The following PAK2 variants were observed in gnomAD, a reference collection of about 807,000 sequenced individuals.
PAK2 encodes p21 (RAC1) activated kinase 2.
A neutral mutation model predicts 65.9 loss-of-function variants in PAK2; 21 were observed. The observed-to-expected ratio is 0.32, with a 90% CI of 0.23 to 0.46. PAK2 has a LOEUF of 0.46. Ranked by LOEUF, PAK2 falls within the 20% of genes least tolerant of loss-of-function variation. PAK2 has a pLI of 1.00. For missense variants in PAK2, 324 were observed against 642.6 expected, an observed-to-expected ratio of 0.50 and a Z score of 5.36; for synonymous variants, 204 against 219.7, an observed-to-expected ratio of 0.93 and a Z score of 0.63.
chr3:196,823,576 A>AT (rs1711725029), intron 13 of PAK2, among the ~76,000 whole-genome samples: 1 of 151,946 alleles, frequency 6.6e-6, no homozygotes, highest in African/African-American at 2.4e-5. Context: ...AACAAAAAAA[A>AT]CACCTTGGGC....
At chr3:196,769,544 G>C (rs145329552) in intron 1 of PAK2, among the ~76,000 whole-genome samples, 1 of 151,808 alleles carries the variant, frequency 6.6e-6, no homozygotes, top group Non-Finnish European at 1.5e-5. Flanking sequence ...AGGCGTGGTG[G>C]CTCACGCCTG....
At chr3:196,780,639 C>T (rs942428385) in intron 1 of PAK2, among the ~76,000 whole-genome samples, 2 of 152,100 alleles carry the variant, frequency 1.3e-5, no homozygotes, top group African/African-American at 4.8e-5. Flanking sequence ...AATGTTTTTG[C>T]TCCTTTACCT....
chr3:196,797,269 G>A (rs1020370637), intron 2 of PAK2, among the ~76,000 whole-genome samples: 5 of 151,876 alleles, frequency 3.3e-5, no homozygotes, highest in Non-Finnish European at 7.4e-5. Flanking sequence ...GTTCGAGACC[G>A]GCCTGGCCAA....
chr3:196,800,042 G>T (rs2108754623), intron 2 of PAK2, among the ~76,000 whole-genome samples: 1 of 152,328 alleles, frequency 6.6e-6, no homozygotes, highest in African/African-American at 2.4e-5. Context: ...GAAAAGATTT[G>T]CTGTTTTCAT....
chr3:196,761,806 G>T (rs1200271921), intron 1 of PAK2, among the ~76,000 whole-genome samples: 1 of 139,542 alleles, frequency 7.2e-6, no homozygotes, highest in Admixed American at 7.6e-5. Context: ...CCTCCCTCCC[G>T]GATGGGGCGG....
At chr3:196,813,393 G>A (rs1715888736) in intron 10 of PAK2, among the ~76,000 whole-genome samples, 1 of 150,876 alleles carries the variant, frequency 6.6e-6, no homozygotes, top group Non-Finnish European at 1.5e-5. Context: ...AGGAGGTGGA[G>A]GTTGCAGTGA....
chr3:196,773,603 C>A (rs71323747), intron 1 of PAK2, among the ~76,000 whole-genome samples: 1 of 151,922 alleles, frequency 6.6e-6, no homozygotes, highest in Non-Finnish European at 1.5e-5. Context: ...AGGCCGGGCA[C>A]AGTGGCTCAT....
At chr3:196,769,633 A>C (rs1414761576) in intron 1 of PAK2, among the ~76,000 whole-genome samples, 6 of 122,170 alleles carry the variant, frequency 4.9e-5, no homozygotes, top group East Asian at 4.5e-4. Context: ...AACACGGTGA[A>C]ACCCCGTCTC....
At chr3:196,745,918 G>A (rs1387404734) in intron 1 of PAK2, among the ~76,000 whole-genome samples, 2 of 150,458 alleles carry the variant, frequency 1.3e-5, no homozygotes, top group Non-Finnish European at 3.0e-5. Flanking sequence ...TGTTTTCCAG[G>A]TTCATTGTTT....
chr3:196,774,031 CAAA>C (rs951178196), intron 1 of PAK2, among the ~76,000 whole-genome samples: 1 of 151,000 alleles, frequency 6.6e-6, no homozygotes, highest in Non-Finnish European at 1.5e-5. Flanking sequence ...GACTCCGTCT[CAAA>C]AAAAAACAAC....
intron 1 of PAK2, among the ~76,000 whole-genome samples, chr3:196,749,219 A>ATTTG (rs1345797710): frequency 3.3e-5 from 5 of 152,088 alleles, no homozygotes; most frequent in African/African-American, 1.2e-4. Flanking sequence ...GGGTGTACAA[A>ATTTG]TACCTCTTTG....
intron 2 of PAK2, among the ~76,000 whole-genome samples, chr3:196,792,924 C>G (rs1715120347): frequency 6.6e-6 from 1 of 152,118 alleles, no homozygotes; most frequent in South Asian, 2.1e-4. Context: ...GCACCTGACT[C>G]AGCAGGACAG....
At chr3:196,768,363 TGTTCA>T (rs2108727592) in intron 1 of PAK2, among the ~76,000 whole-genome samples, 1 of 152,222 alleles carries the variant, frequency 6.6e-6, no homozygotes, top group Non-Finnish European at 1.5e-5. Flanking sequence ...ATTAGTTTTC[TGTTCA>T]GTAATTTCTG....
chr3:196,825,413 G>A (rs772266175), intron 13 of PAK2, among the ~76,000 whole-genome samples: 40 of 151,658 alleles, frequency 2.6e-4, no homozygotes, highest in Non-Finnish European at 3.5e-4. Context: ...GGAGGCCAAG[G>A]CGGGCAGATC....
At chr3:196,751,664 TATTTATATAC>T (rs1294548726) in intron 1 of PAK2, among the ~76,000 whole-genome samples, 1 of 36,286 alleles carries the variant, frequency 2.8e-5, no homozygotes, top group Admixed American at 3.0e-4. Context: ...CACACAAATT[TATTTATATAC>T]ATATATATAT....
chr3:196,742,389 G>A (rs1452424966), intron 1 of PAK2, among the ~76,000 whole-genome samples: 1 of 152,060 alleles, frequency 6.6e-6, no homozygotes, highest in Non-Finnish European at 1.5e-5. Context: ...ACCACCAACA[G>A]TTTCTATTTC....
chr3:196,789,868 G>C (rs904025130), intron 2 of PAK2, among the ~76,000 whole-genome samples: 1 of 152,218 alleles, frequency 6.6e-6, no homozygotes, highest in Non-Finnish European at 1.5e-5. Context: ...GGAGTGTGCA[G>C]CCTAGATCCC....
chr3:196,768,926 C>A (rs576127982), intron 1 of PAK2, among the ~76,000 whole-genome samples: 3 of 151,890 alleles, frequency 2.0e-5, no homozygotes, highest in African/African-American at 7.3e-5. Context: ...CCCAGCCCCC[C>A]AGAGTGCTGG....
intron 2 of PAK2, among the ~76,000 whole-genome samples, chr3:196,800,095 T>G (rs1715376828): frequency 6.6e-6 from 1 of 152,166 alleles, no homozygotes; most frequent in Non-Finnish European, 1.5e-5. Flanking sequence ...AGAAATAAAT[T>G]CTCAGCCAGG....
Sources: gnomAD v4.1 joint callset for allele counts (sites outside exome capture counted in the v4.1 genomes callset) on GRCh38, gnomAD v4.1.1 for gene constraint, MANE v1.5 for transcripts, NCBI Gene and HGNC (gene_info 2026-07-23, HGNC 2026-07-21) for gene names.